The following GRK5 variants were observed in gnomAD, a reference collection of about 807,000 sequenced individuals.
GRK5 encodes g protein-coupled receptor kinase GRK5.
Under a neutral mutation model 78.4 loss-of-function variants are expected in GRK5, and 40 were observed. The observed-to-expected ratio is 0.51, with a 90% CI of 0.40 to 0.66. The LOEUF (loss-of-function observed/expected upper bound fraction) is 0.66, where lower values mean the gene tolerates loss of function less well. Among genes scored for constraint, GRK5 ranks in the 30% least tolerant of loss-of-function variants. The pLI is 0.00. For synonymous variants in GRK5, 289 were observed against 296.8 expected, an observed-to-expected ratio of 0.97 and a Z score of 0.27; for missense variants, 598 against 759.9, an observed-to-expected ratio of 0.79 and a Z score of 2.50.
At chr10:119,285,562 A>G (rs1002413350) in intron 1 of GRK5, among the ~76,000 whole-genome samples, 4 of 152,162 alleles carry the variant, frequency 2.6e-5, no homozygotes, top group Non-Finnish European at 5.9e-5. Flanking sequence ...CATTGGCCAA[A>G]CAAGCCTTGG....
At position 119,452,926 on chromosome 10, in the gene GRK5, T is replaced by A; in HGVS notation, c.1542+118T>A. On this transcript the variant is annotated intron_variant, in intron 14 of 15. Transcript: ENST00000392870. The surrounding 1 kb of genome is among the most constrained non-coding windows in gnomAD (Gnocchi z 4.4). The stretch of plus-strand genomic sequence containing the variant: ...GGCTGAGCGCATGGTTTCTGTTTTC[T>A]CCATGAAGGCAGCACACAAAAGCTG... 8.0e-7 allele frequency: 1 copy of A among 1,256,696 alleles called. No individual in the cohort carries two copies. Among genetic ancestry groups the A allele is most frequent in the Non-Finnish European group, 1.1e-6 (1 of 885,346 alleles). 77.8% of individuals were successfully genotyped at this position (1,256,696 alleles called of 1,614,324 possible).
At chr10:119,263,374 T>A (rs1849442476) in intron 1 of GRK5, among the ~76,000 whole-genome samples, 1 of 152,140 alleles carries the variant, frequency 6.6e-6, no homozygotes, top group East Asian at 1.9e-4. Flanking sequence ...TTTTTTTCAT[T>A]GTATTAACAG....
chr10:119,314,895 G>A (rs1240773950), intron 1 of GRK5, among the ~76,000 whole-genome samples: 2 of 151,942 alleles, frequency 1.3e-5, no homozygotes, highest in Non-Finnish European at 2.9e-5. Context: ...TAGAGAAGGT[G>A]CACCGAGTCA....
intron 2 of GRK5, among the ~76,000 whole-genome samples, chr10:119,356,464 T>C (rs1851263151): frequency 5.9e-5 from 9 of 152,248 alleles, no homozygotes; most frequent in Admixed American, 5.9e-4. Context: ...TTTTACCATG[T>C]TCGTGGCTCA....
Position 119,378,277 on chromosome 10 carries a change from C to T in GRK5, c.149-2538C>T, listed in dbSNP as rs1204211676. Reference sequence around the variant, plus strand: ...AGTGGCTATTTGTGAACCATCTGTGCTGGGAGCGGTGGAGACTGCGCCCAC... The same window carrying T: ...AGTGGCTATTTGTGAACCATCTGTGTTGGGAGCGGTGGAGACTGCGCCCAC... On this transcript the variant is annotated intron_variant, in intron 2 of 15. Transcript: ENST00000392870. The surrounding 1 kb of genome is among the most constrained non-coding windows in gnomAD (Gnocchi z 4.5). Among the ~76,000 whole-genome samples, 1 of 152,148 alleles carries T rather than the reference C, an allele frequency of 6.6e-6. No individual in the cohort carries two copies. The highest frequency in any genetic ancestry group is 1.5e-5 in the Non-Finnish European group (1 of 68,024).
At chr10:119,330,591 A>G (rs920634497) in intron 2 of GRK5, among the ~76,000 whole-genome samples, 7 of 152,068 alleles carry the variant, frequency 4.6e-5, no homozygotes, top group African/African-American at 1.7e-4. Context: ...TTCAGTGCCA[A>G]CCTATTCCTA....
At chr10:119,369,420 C>T (rs777282510) in intron 2 of GRK5, among the ~76,000 whole-genome samples, 5 of 152,158 alleles carry the variant, frequency 3.3e-5, no homozygotes, top group Non-Finnish European at 5.9e-5. Context: ...CCACAGGCCA[C>T]GCAGGGTAAA....
chr10:119,275,103 C>T (rs1033111015), intron 1 of GRK5, among the ~76,000 whole-genome samples: 24 of 152,182 alleles, frequency 1.6e-4, no homozygotes, highest in African/African-American at 4.6e-4. Flanking sequence ...GAGCATGGTT[C>T]CTGGCACATG....
At chr10:119,422,106 A>G (rs928234452) in intron 4 of GRK5, among the ~76,000 whole-genome samples, 2 of 151,408 alleles carry the variant, frequency 1.3e-5, no homozygotes, top group Non-Finnish European at 2.9e-5. Flanking sequence ...AATTTTCTCA[A>G]TTATCTCTTT....
chr10:119,388,325 G>A (rs547944098), intron 3 of GRK5, among the ~76,000 whole-genome samples: 1 of 151,866 alleles, frequency 6.6e-6, no homozygotes, highest in East Asian at 2.0e-4. Context: ...TTCAGTATTA[G>A]CTTTGGGTTT....
intron 1 of GRK5, among the ~76,000 whole-genome samples, chr10:119,304,939 T>C (rs1334365400): frequency 2.6e-5 from 4 of 152,064 alleles, no homozygotes; most frequent in Admixed American, 2.6e-4. Flanking sequence ...TTTCTTCCCT[T>C]CCTTCTTCCC....
intron 1 of GRK5, among the ~76,000 whole-genome samples, chr10:119,236,058 A>G (rs943860068): frequency 1.3e-5 from 2 of 152,076 alleles, no homozygotes; most frequent in Non-Finnish European, 2.9e-5. Context: ...TCTCTTGTGC[A>G]GATATTAACG....
At position 119,452,998 on chromosome 10, in the gene GRK5, C is replaced by T. The variant is rs986759440; in HGVS notation, c.1543-147C>T. 20 of 856,238 alleles carry T rather than the reference C, an allele frequency of 2.3e-5. No individual in the cohort carries two copies. Among genetic ancestry groups the T allele is most frequent in the South Asian group, 6.1e-5 (4 of 66,062 alleles). 53.0% of individuals were successfully genotyped at this position (856,238 alleles called of 1,614,324 possible). ...GTAGCCACCACGGGCCAGTCATTGA[C>T]GGGGAGCCTCGCCCAGCCCCTGAGA... On this transcript the variant is annotated intron_variant, in intron 14 of 15. Coordinates refer to ENST00000392870, the MANE Select transcript of GRK5 (RefSeq NM_005308.3). This position sits in a 1 kb window ranked among gnomAD's most constrained non-coding sequence, Gnocchi z 4.4.
intron 6 of GRK5, among the ~76,000 whole-genome samples, chr10:119,427,988 C>T (rs559970472): frequency 2.2e-4 from 33 of 152,282 alleles, no homozygotes; most frequent in African/African-American, 7.9e-4. Context: ...CCGCCATCAA[C>T]AGCATCACTG....
rs185260943 is a variant in GRK5, at chr10:119,242,809, G to T, written c.52+34840G>T. On this transcript the variant is annotated intron_variant, in intron 1 of 15. Transcript: ENST00000392870. ...TGCCACCTTGTGAAGAAGGTGTCTT[G>T]CTTCCCCTTTGCCTTCCGCCATGAT... Among the ~76,000 whole-genome samples, 133 of 152,100 alleles carry T rather than the reference G, an allele frequency of 8.7e-4. 1 individual carries two copies. Among genetic ancestry groups the T allele is most frequent in the African/African-American group, 3.1e-3 (130 of 41,476 alleles).
At chr10:119,389,881 G>A (rs961603326) in intron 3 of GRK5, among the ~76,000 whole-genome samples, 1 of 151,960 alleles carries the variant, frequency 6.6e-6, no homozygotes, top group Non-Finnish European at 1.5e-5. Context: ...TTGTGTCCCT[G>A]GTCTCTGGGC....
At chr10:119,422,502 G>C (rs567766087) in intron 4 of GRK5, among the ~76,000 whole-genome samples, 1 of 152,182 alleles carries the variant, frequency 6.6e-6, no homozygotes. Flanking sequence ...GGCCACAGCT[G>C]CGAGTCACAG....
intron 1 of GRK5, among the ~76,000 whole-genome samples, chr10:119,254,214 C>T (rs1408937168): frequency 6.7e-6 from 1 of 149,276 alleles, no homozygotes; most frequent in Non-Finnish European, 1.5e-5. Context: ...TCATCTTGGC[C>T]CAGTGGCTTG....
At chr10:119,425,118 G>C (rs1250306522) in intron 6 of GRK5, 33 bp downstream of exon 6, 1 of 1,424,844 alleles carries the variant, frequency 7.0e-7, no homozygotes, top group Non-Finnish European at 9.9e-7. Context: ...AGATCAGGGA[G>C]GCAGAGGGTA....
Sources: gnomAD v4.1 joint callset for allele counts (sites outside exome capture counted in the v4.1 genomes callset) on GRCh38, gnomAD v4.1.1 for gene constraint, Gnocchi (gnomAD v3.1) non-coding constraint, MANE v1.5 for transcripts, NCBI Gene and HGNC (gene_info 2026-07-23, HGNC 2026-07-21) for gene names.